GNG4: variants seen among roughly 807,000 people sequenced by gnomAD.
The protein encoded by GNG4 is G protein subunit gamma 4.
In GNG4, 4 loss-of-function variants were observed where a neutral mutation model predicts 5.8. That is an observed-to-expected ratio of 0.69 (90% CI 0.34 to 1.57). The LOEUF (loss-of-function observed/expected upper bound fraction) is 1.57. Among genes scored for constraint, GNG4 ranks in the 40% most tolerant of loss-of-function variants. The pLI is 0.06. For missense variants in GNG4, 96 were observed against 95.1 expected, an observed-to-expected ratio of 1.01 and a Z score of -0.04; for synonymous variants, 29 against 32.9, an observed-to-expected ratio of 0.88 and a Z score of 0.41.
intron 1 of GNG4, among the ~76,000 whole-genome samples, chr1:235,647,895 G>T (rs1247553896): frequency 6.6e-6 from 1 of 152,166 alleles, no homozygotes; most frequent in Non-Finnish European, 1.5e-5. Context: ...CTCGGCCTCT[G>T]AAAGTGCTGG....
chr1:235,608,499 A>T (rs1304704001), intron 1 of GNG4, among the ~76,000 whole-genome samples: 1 of 152,164 alleles, frequency 6.6e-6, no homozygotes, highest in Non-Finnish European at 1.5e-5. Flanking sequence ...CATTCCATTA[A>T]GCAGTTCTCC....
chr1:235,590,514 A>C (rs1020357218), intron 2 of GNG4, among the ~76,000 whole-genome samples: 2 of 152,144 alleles, frequency 1.3e-5, no homozygotes, highest in Non-Finnish European at 2.9e-5. Context: ...CAGTAACTAA[A>C]GGAAGAGATT....
At chr1:235,563,403 C>CAAAA (rs57471662) in intron 3 of GNG4, among the ~76,000 whole-genome samples, 6 of 52,410 alleles carry the variant, frequency 1.1e-4, no homozygotes, top group East Asian at 8.2e-4. Flanking sequence ...GAAACTGTCT[C>CAAAA]AAAAAAAAAA....
At chr1:235,561,661 C>T (rs1687068112) in intron 3 of GNG4, among the ~76,000 whole-genome samples, 1 of 152,160 alleles carries the variant, frequency 6.6e-6, no homozygotes, top group African/African-American at 2.4e-5. Context: ...TCCCAACGTG[C>T]TGGGATTACA....
intron 2 of GNG4, among the ~76,000 whole-genome samples, chr1:235,589,324 G>A (rs148168632): frequency 2.0e-5 from 3 of 152,266 alleles, no homozygotes; most frequent in African/African-American, 7.2e-5. Flanking sequence ...CCCAGAGAGA[G>A]AAAGAGTTAA....
chr1:235,569,109 G>A (rs913871095), intron 3 of GNG4, among the ~76,000 whole-genome samples: 5 of 152,168 alleles, frequency 3.3e-5, no homozygotes, highest in African/African-American at 1.2e-4. Flanking sequence ...CAACAGGTGT[G>A]AGCCACTGCA....
At chr1:235,573,218 A>G (rs1203710702) in intron 3 of GNG4, among the ~76,000 whole-genome samples, 2 of 151,594 alleles carry the variant, frequency 1.3e-5, no homozygotes, top group South Asian at 2.1e-4. Flanking sequence ...TGAGCAAACT[A>G]TCGCAAGGAC....
At chr1:235,602,837 C>T (rs1688284896) in intron 1 of GNG4, among the ~76,000 whole-genome samples, 1 of 152,162 alleles carries the variant, frequency 6.6e-6, no homozygotes, top group African/African-American at 2.4e-5. Context: ...TAAGATTCCC[C>T]CCTTTCAGCT....
chr1:235,565,864 T>C (rs541531956), intron 3 of GNG4: 2 of 152,300 alleles, frequency 1.3e-5, no homozygotes, highest in South Asian at 4.2e-4. Context: ...TAGTGTTCTT[T>C]TTGGGGCAGC....
chr1:235,612,767 C>T (rs748257135), intron 1 of GNG4, among the ~76,000 whole-genome samples: 7 of 152,190 alleles, frequency 4.6e-5, no homozygotes, highest in Non-Finnish European at 1.0e-4. Context: ...AAGTGATCCA[C>T]CCGCCTTGGC....
At chr1:235,553,177 G>A (rs917564159) in intron 3 of GNG4, among the ~76,000 whole-genome samples, 5 of 152,228 alleles carry the variant, frequency 3.3e-5, no homozygotes, top group African/African-American at 1.2e-4. Context: ...GCGCATGGCA[G>A]TTGTGCATCA....
At chr1:235,580,464 G>A (rs1245664197) in intron 3 of GNG4, among the ~76,000 whole-genome samples, 1 of 152,174 alleles carries the variant, frequency 6.6e-6, no homozygotes, top group Non-Finnish European at 1.5e-5. Flanking sequence ...GTTCAAGGGT[G>A]TCCAAGCAAG....
At chr1:235,631,664 T>G (rs1688935373) in intron 1 of GNG4, among the ~76,000 whole-genome samples, 1 of 151,272 alleles carries the variant, frequency 6.6e-6, no homozygotes, top group Non-Finnish European at 1.5e-5. Context: ...TCCTCCTGGG[T>G]TCAAGCGATT....
intron 3 of GNG4, among the ~76,000 whole-genome samples, chr1:235,572,024 C>A (rs1432780321): frequency 2.6e-5 from 4 of 151,670 alleles, no homozygotes; most frequent in Non-Finnish European, 5.9e-5. Flanking sequence ...TTAGTAGAGA[C>A]AGGATCTCAC....
chr1:235,606,993 C>T (rs1428383648), intron 1 of GNG4, among the ~76,000 whole-genome samples: 1 of 143,462 alleles, frequency 7.0e-6, no homozygotes, highest in East Asian at 2.0e-4. Flanking sequence ...GGCTGGAGTG[C>T]AGTCGTGTGA....
intron 1 of GNG4, among the ~76,000 whole-genome samples, chr1:235,647,850 G>A (rs546677408): frequency 1.2e-4 from 18 of 152,226 alleles, no homozygotes; most frequent in East Asian, 1.9e-4. Context: ...TGGCCAGGCC[G>A]GTATCGGACT....
rs373578086 is a variant in GNG4, at chr1:235,561,288, T to C, written c.100-9051A>G. On this transcript the variant is annotated intron_variant, in intron 3 of 3. Coordinates refer to ENST00000391854, the MANE Select transcript of GNG4 (RefSeq NM_001098722.2). ...CCTCCCAAAGTGTTGGGATTACAGG[T>C]GTGAGCCACCGCGCCCGGCCATTTT... 5.3e-5 allele frequency among the ~76,000 whole-genome samples: 8 copies of C among 152,034 alleles called. No individual in the cohort carries two copies. In the East Asian group the frequency reaches 1.6e-3, roughly 30 times the overall value.
intron 3 of GNG4, among the ~76,000 whole-genome samples, chr1:235,561,420 AT>A (rs1182765338): frequency 5.4e-5 from 8 of 147,540 alleles, no homozygotes; most frequent in African/African-American, 1.5e-4. Flanking sequence ...ATATATATAC[AT>A]TTTTTTTTTC....
At chr1:235,616,725 G>GATGT (rs1688597203) in intron 1 of GNG4, among the ~76,000 whole-genome samples, 1 of 133,890 alleles carries the variant, frequency 7.5e-6, no homozygotes, top group African/African-American at 3.5e-5. Flanking sequence ...AGTGCTGAAA[G>GATGT]ATGTGTGTGT....
Sources: gnomAD v4.1 joint callset for allele counts (sites outside exome capture counted in the v4.1 genomes callset) on GRCh38, gnomAD v4.1.1 for gene constraint, MANE v1.5 for transcripts, NCBI Gene and HGNC (gene_info 2026-07-23, HGNC 2026-07-21) for gene names.